The following PDGFD variants were observed in gnomAD, a reference collection of about 807,000 sequenced individuals.
The protein encoded by PDGFD is platelet derived growth factor D, also known as platelet-derived growth factor D.
PDGFD carries 30 observed loss-of-function variants against 44.7 expected under a neutral mutation model. That is an observed-to-expected ratio of 0.67 (90% CI 0.50 to 0.91). The LOEUF is 0.91. Ranked by LOEUF, PDGFD falls within the 40% of genes least tolerant of loss-of-function variation. The pLI is 0.00. For missense variants in PDGFD, 445 were observed against 457.8 expected (o/e 0.97, Z 0.25); for synonymous variants, 173 against 168.4 (o/e 1.03, Z -0.21).
chr11:104,067,382 C>T (rs943402653), intron 1 of PDGFD, among the ~76,000 whole-genome samples: 3 of 151,862 alleles, frequency 2.0e-5, no homozygotes, highest in Non-Finnish European at 2.9e-5. Flanking sequence ...AAAAATATAC[C>T]GAACAATTTT....
chr11:103,960,254 G>C (rs916755513), intron 3 of PDGFD, among the ~76,000 whole-genome samples: 1 of 152,206 alleles, frequency 6.6e-6, no homozygotes, highest in African/African-American at 2.4e-5. Flanking sequence ...GGGATTGGGT[G>C]AACTATTGCT....
intron 1 of PDGFD, 87 bp from the exon 2 acceptor site, chr11:104,000,342 A>G: frequency 9.3e-7 from 1 of 1,076,662 alleles, no homozygotes; most frequent in Non-Finnish European, 1.4e-6. Context: ...AACACATCAT[A>G]CTTCAAAACA....
chr11:103,939,084 C>A (rs533877932), intron 5 of PDGFD, among the ~76,000 whole-genome samples: 1 of 152,026 alleles, frequency 6.6e-6, no homozygotes, highest in African/African-American at 2.4e-5. Context: ...TTTTCCAATT[C>A]TGTGAAGAAA....
At chr11:103,970,992 T>A (rs1201070032) in intron 3 of PDGFD, among the ~76,000 whole-genome samples, 1 of 152,134 alleles carries the variant, frequency 6.6e-6, no homozygotes, top group African/African-American at 2.4e-5. Flanking sequence ...TCTACCCCAT[T>A]GCTGTGACAG....
chr11:103,917,536 T>C (rs950442370), intron 6 of PDGFD, among the ~76,000 whole-genome samples: 1 of 152,220 alleles, frequency 6.6e-6, no homozygotes, highest in East Asian at 1.9e-4. Context: ...AACTTGGTCA[T>C]GGCACCATTA....
At chr11:103,930,421 A>T (rs1348542756) in intron 5 of PDGFD, among the ~76,000 whole-genome samples, 1 of 151,970 alleles carries the variant, frequency 6.6e-6, no homozygotes, top group Non-Finnish European at 1.5e-5. Flanking sequence ...GTTCTTTTTG[A>T]TCCTGGCCAT....
In PDGFD at chr11:104,145,835, T is replaced by C. The variant is rs993359272; in HGVS notation, c.124+17969A>G. On this transcript the variant is annotated intron_variant, in intron 1 of 6. Transcript: ENST00000393158. ...TGAGATCACAGGGATAGGGCTCTAA[T>C]AGTATAGGACACGTGTTCTTTTAAG... Among the ~76,000 whole-genome samples the C allele has an allele frequency of 3.3e-5, 5 of 152,276 alleles. No individual in the cohort carries two copies. The East Asian group carries it at 9.7e-4, about 29-fold the overall frequency.
chr11:104,105,239 G>C (rs1200375040), intron 1 of PDGFD, among the ~76,000 whole-genome samples: 1 of 152,132 alleles, frequency 6.6e-6, no homozygotes, highest in Non-Finnish European at 1.5e-5. Flanking sequence ...TGCTCCATTT[G>C]TAGCTGAGCA....
At chr11:103,999,086 T>C (rs1859580675) in intron 2 of PDGFD, among the ~76,000 whole-genome samples, 3 of 152,228 alleles carry the variant, frequency 2.0e-5, no homozygotes, top group South Asian at 2.1e-4. Flanking sequence ...CTCTGCTTTC[T>C]GGCATACATT....
At chr11:104,103,432 A>C (rs1861425318) in intron 1 of PDGFD, among the ~76,000 whole-genome samples, 1 of 146,438 alleles carries the variant, frequency 6.8e-6, no homozygotes, top group Non-Finnish European at 1.5e-5. Context: ...AAATATTCAA[A>C]TAAAAACAGA....
At chr11:103,930,251 G>T (rs994116586) in intron 5 of PDGFD, among the ~76,000 whole-genome samples, 1 of 152,130 alleles carries the variant, frequency 6.6e-6, no homozygotes, top group African/African-American at 2.4e-5. Context: ...GCACAGGGGC[G>T]CACTTTTCCT....
intron 1 of PDGFD, among the ~76,000 whole-genome samples, chr11:104,158,937 G>A (rs757782287): frequency 1.3e-5 from 2 of 151,836 alleles, no homozygotes; most frequent in Admixed American, 6.6e-5. Context: ...GGTGGATCAC[G>A]AGGTCAGGAG....
chr11:104,096,982 C>T (rs1394785012), intron 1 of PDGFD, among the ~76,000 whole-genome samples: 1 of 152,178 alleles, frequency 6.6e-6, no homozygotes, highest in Non-Finnish European at 1.5e-5. Flanking sequence ...CTCAACACAG[C>T]TTTTCATACT....
chr11:103,993,595 C>G (rs1278380135), intron 3 of PDGFD, among the ~76,000 whole-genome samples: 2 of 152,044 alleles, frequency 1.3e-5, no homozygotes, highest in Non-Finnish European at 2.9e-5. Context: ...AGTTTATAAA[C>G]CCTGCTTTAA....
intron 3 of PDGFD, among the ~76,000 whole-genome samples, chr11:103,966,786 T>G (rs1465221122): frequency 6.6e-6 from 1 of 152,202 alleles, no homozygotes; most frequent in African/African-American, 2.4e-5. Flanking sequence ...AAGAGGCTAT[T>G]GCTTTGTGAT....
At chr11:103,985,593 C>G (rs1859350468) in intron 3 of PDGFD, among the ~76,000 whole-genome samples, 1 of 151,642 alleles carries the variant, frequency 6.6e-6, no homozygotes. Flanking sequence ...ATGTAACAGC[C>G]AGGAATGAGA....
chr11:104,093,368 A>G (rs2134438775), intron 1 of PDGFD, among the ~76,000 whole-genome samples: 1 of 152,150 alleles, frequency 6.6e-6, no homozygotes. Context: ...CTCTGTCTCT[A>G]TTGAAAAGAC....
chr11:103,946,570 C>G (rs1858670831), intron 4 of PDGFD: 2 of 152,238 alleles, frequency 1.3e-5, no homozygotes, highest in African/African-American at 2.4e-5. Context: ...GTTGCAAAAA[C>G]TGCTGGTGTC....
At chr11:103,923,008 A>G (rs1021654343) in intron 6 of PDGFD, among the ~76,000 whole-genome samples, 6 of 152,108 alleles carry the variant, frequency 3.9e-5, no homozygotes, top group Admixed American at 1.3e-4. Context: ...ACAACTATCC[A>G]CACTTTATCA....
Sources: allele counts gnomAD v4.1 joint callset (sites outside exome capture counted in the v4.1 genomes callset), GRCh38; gene constraint gnomAD v4.1.1; transcripts MANE v1.5; gene names NCBI Gene and HGNC (gene_info 2026-07-23, HGNC 2026-07-21).